STK10: variants seen among roughly 807,000 people sequenced by gnomAD.
STK10 encodes the protein serine/threonine kinase 10.
STK10 carries 78 observed loss-of-function variants against 113.8 expected under a neutral mutation model. The ratio of observed to expected loss-of-function variants is 0.69; its 90% CI spans 0.57 to 0.83. STK10 has a LOEUF of 0.83. STK10 is among the 40% of genes least tolerant of loss of function. The probability of loss-of-function intolerance (pLI) is 0.00; values close to 1 mark genes in which losing one functional copy is unlikely to be tolerated. For synonymous variants in STK10, 465 were observed against 494.7 expected (o/e 0.94, Z 0.80); for missense variants, 1,109 against 1,280.1 (o/e 0.87, Z 2.04).
intron 2 of STK10, among the ~76,000 whole-genome samples, chr5:172,134,783 G>A (rs1004745885): frequency 2.7e-5 from 4 of 150,828 alleles, no homozygotes; most frequent in Non-Finnish European, 2.9e-5. Flanking sequence ...CATTAGCGGG[G>A]TATGGTGGCA....
At chr5:172,105,399 C>T (rs896400128) in intron 7 of STK10, among the ~76,000 whole-genome samples, 4 of 152,112 alleles carry the variant, frequency 2.6e-5, no homozygotes, top group African/African-American at 7.2e-5. Flanking sequence ...GCCACGCACA[C>T]ATACTTGCTT....
intron 1 of STK10, among the ~76,000 whole-genome samples, chr5:172,178,472 C>G (rs375232049): frequency 6.6e-6 from 1 of 152,224 alleles, no homozygotes; most frequent in Non-Finnish European, 1.5e-5. Context: ...ACCTTTCGGT[C>G]TCCTCCCCCA....
intron 3 of STK10, among the ~76,000 whole-genome samples, chr5:172,122,551 G>A (rs530051658): frequency 1.1e-3 from 162 of 152,272 alleles, no homozygotes; most frequent in Non-Finnish European, 1.9e-3. Flanking sequence ...CAAAGTCCCC[G>A]TTGACACCAC....
intron 1 of STK10, among the ~76,000 whole-genome samples, chr5:172,180,822 T>A (rs1403611168): frequency 6.6e-6 from 1 of 151,992 alleles, no homozygotes; most frequent in Non-Finnish European, 1.5e-5. Context: ...TAAAATAAAA[T>A]AACATACAGC....
intron 12 of STK10, among the ~76,000 whole-genome samples, chr5:172,080,194 CA>C (rs1357391287): frequency 6.6e-6 from 1 of 152,150 alleles, no homozygotes; most frequent in Non-Finnish European, 1.5e-5. Flanking sequence ...TATAAGACAG[CA>C]AACTTAATCA....
chr5:172,179,937 C>T (rs1453279284), intron 1 of STK10, among the ~76,000 whole-genome samples: 2 of 152,130 alleles, frequency 1.3e-5, no homozygotes, highest in Non-Finnish European at 2.9e-5. Flanking sequence ...TCCTCTCAAC[C>T]AGGCAGGGAG....
intron 3 of STK10, among the ~76,000 whole-genome samples, chr5:172,125,785 G>A (rs976166516): frequency 3.9e-5 from 6 of 152,148 alleles, no homozygotes; most frequent in African/African-American, 1.4e-4. Flanking sequence ...TGTGTAAAGT[G>A]GCCTATGAAG....
rs191603003 is a variant in STK10, at chr5:172,063,763, G to A, written c.2082+957C>T. Among the ~76,000 whole-genome samples, 218 of 152,290 alleles carry A rather than the reference G, an allele frequency of 1.4e-3. 1 individual carries two copies. Among genetic ancestry groups the A allele is most frequent in the Non-Finnish European group, 1.7e-3 (114 of 68,022 alleles). ...AGCAATGTTACCTCTCTCAGCCTTT[G>A]TTTCCTCTTCTGCGAATGGGAAAAT... is the stretch of plus-strand genomic sequence containing the variant. On this transcript the variant is annotated intron_variant, in intron 13 of 18. Coordinates refer to ENST00000176763, the MANE Select transcript of STK10 (RefSeq NM_005990.4).
intron 4 of STK10, chr5:172,114,474 T>TATGTA (rs55784262): frequency 3.9e-5 from 1 of 25,780 alleles, no homozygotes; most frequent in Non-Finnish European, 6.1e-5. Context: ...TATATATATA[T>TATGTA]TTTTTTTTTT....
At chr5:172,140,093 A>T (rs1769943179) in intron 2 of STK10, among the ~76,000 whole-genome samples, 1 of 152,180 alleles carries the variant, frequency 6.6e-6, no homozygotes, top group African/African-American at 2.4e-5. Context: ...ATTGCAAAAA[A>T]AACCCTAATA....
rs894265807 is a variant in STK10 at position 172,046,060 on chromosome 5, T to C, written c.2767-1038A>G. On this transcript the variant is annotated intron_variant, in intron 18 of 18. Coordinates refer to ENST00000176763, the MANE Select transcript of STK10 (RefSeq NM_005990.4). ...CTCCTTATATACTTAAAAGTGGACA[T>C]CTTTTAAACAATTTACAGGCCAGGT... is the stretch of plus-strand genomic sequence containing the variant. Among the ~76,000 whole-genome samples the C allele has an allele frequency of 5.9e-5, 9 of 151,702 alleles. No homozygotes were observed. The East Asian group carries it at 1.4e-3, about 23-fold the overall frequency.
In STK10 at chr5:172,144,617, C is replaced by T. The variant is rs548484760; in HGVS notation, c.321+12007G>A. On this transcript the variant is annotated intron_variant, in intron 2 of 18. Transcript: ENST00000176763. ...TACACCCCCAGGCCTCCCAGGAACG[C>T]TGGGCCAGGCGTGTTCCTCCACCCC... Among the ~76,000 whole-genome samples the T allele has an allele frequency of 9.1e-4, 138 of 152,290 alleles. No individual in the cohort carries two copies. The Middle Eastern group carries it at 0.01, about 11-fold the overall frequency.
intron 4 of STK10, among the ~76,000 whole-genome samples, chr5:172,111,932 G>A (rs1469839882): frequency 2.0e-5 from 3 of 152,212 alleles, no homozygotes; most frequent in African/African-American, 7.2e-5. Flanking sequence ...AATTCTATTT[G>A]TAGAAATCCA....
intron 3 of STK10, among the ~76,000 whole-genome samples, chr5:172,122,648 G>A (rs1346892672): frequency 6.6e-6 from 1 of 152,144 alleles, no homozygotes; most frequent in Non-Finnish European, 1.5e-5. Context: ...TTTTGAGATG[G>A]AGTCTCGCTC....
chr5:172,144,278 T>G (rs1770037772), intron 2 of STK10, among the ~76,000 whole-genome samples: 1 of 152,254 alleles, frequency 6.6e-6, no homozygotes, highest in African/African-American at 2.4e-5. Flanking sequence ...TTTCCCTCTC[T>G]AGGCTTGTTT....
intron 1 of STK10, among the ~76,000 whole-genome samples, chr5:172,166,014 A>G (rs2339362): frequency 0.23 from 34,838 of 152,080 alleles, 4,388 homozygotes; most frequent in East Asian, 0.32. Context: ...GCTGGTCTCG[A>G]ACTCCCGACC....
chr5:172,170,878 G>A (rs1322896494), intron 1 of STK10, among the ~76,000 whole-genome samples: 1 of 152,226 alleles, frequency 6.6e-6, no homozygotes, highest in East Asian at 1.9e-4. Flanking sequence ...CTACCCAGAG[G>A]AGGACAGTGA....
chr5:172,148,688 T>TG (rs1429100756), intron 2 of STK10, among the ~76,000 whole-genome samples: 1 of 151,926 alleles, frequency 6.6e-6, no homozygotes, highest in Non-Finnish European at 1.5e-5. Flanking sequence ...AGTGGAAGGG[T>TG]GGGGGTCACA....
intron 2 of STK10, among the ~76,000 whole-genome samples, chr5:172,149,980 G>A (rs1000631792): frequency 6.8e-6 from 1 of 146,688 alleles, no homozygotes; most frequent in African/African-American, 2.5e-5. Flanking sequence ...CCAGGAGGCA[G>A]AGGTTGCAGG....
Sources: allele counts gnomAD v4.1 joint callset (sites outside exome capture counted in the v4.1 genomes callset), GRCh38; gene constraint gnomAD v4.1.1; transcripts MANE v1.5; gene names NCBI Gene and HGNC (gene_info 2026-07-23, HGNC 2026-07-21).